LONRF1: variants seen among roughly 807,000 people sequenced by gnomAD.
LONRF1 encodes the protein LON peptidase N-terminal domain and RING finger protein 1.
A neutral mutation model predicts 85.8 loss-of-function variants in LONRF1; 37 were observed. That is an observed-to-expected ratio of 0.43 (90% CI 0.33 to 0.57). The LOEUF (loss-of-function observed/expected upper bound fraction) is 0.57. Ranked by LOEUF, LONRF1 falls within the 20% of genes least tolerant of loss-of-function variation. The pLI, the probability that LONRF1 is intolerant of heterozygous loss-of-function variation, is 0.04. For missense variants in LONRF1, 1,036 were observed against 978.0 expected (o/e 1.06, Z -0.79); for synonymous variants, 517 against 390.1 (o/e 1.33, Z -3.83).
At chr8:12,742,452 C>T (rs1264964049) in intron 2 of LONRF1, among the ~76,000 whole-genome samples, 2 of 152,160 alleles carry the variant, frequency 1.3e-5, no homozygotes, top group East Asian at 1.9e-4. Flanking sequence ...CTTCCTTTGT[C>T]CCTATCTTCT....
Position 12,754,738 on chromosome 8 carries a change from C to T in LONRF1, c.683G>A (p.Arg228Gln), listed in dbSNP as rs780900625. ...LGELLHQGRY[R>Q]EALAAACEAL... ...CTCGCAGGCGGCGGCCAGGGCCTCC[C>T]GGTAGCGCCCCTGGTGCAGTAGCTC... The change falls in exon 1 of 12, where the codon CGG becomes CAG. Residue 228 changes from arginine to glutamine, a missense_variant. By Grantham distance (43) the Arg-to-Gln change is conservative. Coordinates refer to ENST00000398246, the MANE Select transcript of LONRF1 (RefSeq NM_152271.5). The T allele has an allele frequency of 7.0e-6, 10 of 1,428,556 alleles. No individual in the cohort carries two copies. The South Asian group carries it at 1.3e-4, about 18-fold the overall frequency. 88.5% of individuals were successfully genotyped at this position (1,428,556 alleles called of 1,614,324 possible). A position where few individuals can be genotyped will look rare whatever the true frequency, so the allele number is the denominator to read the frequency against.
Position 12,736,752 on chromosome 8 carries a change from A to G in LONRF1, c.1400T>C (p.Ile467Thr), listed in dbSNP as rs1217885242. ...TGAGACATCGATTAATTCTTCTGGAATATCACCATAAGCTAAGGAAAACAT... is the reference window on the plus strand; with the variant it reads ...TGAGACATCGATTAATTCTTCTGGAGTATCACCATAAGCTAAGGAAAACAT... Reference protein sequence around the residue: ...VCMFSLAYGDIPEELIDVSDF... With the variant: ...VCMFSLAYGDTPEELIDVSDF... Residue 467 changes from isoleucine to threonine, a missense_variant, in exon 6 of 12, where the codon ATT becomes ACT. Ile to Thr is a moderately conservative substitution (Grantham distance 89). Coordinates refer to ENST00000398246, the MANE Select transcript of LONRF1 (RefSeq NM_152271.5). The G allele has an allele frequency of 1.2e-6, 2 of 1,612,276 alleles. No homozygotes were observed. Among genetic ancestry groups the G allele is most frequent in the Admixed American group, 3.3e-5 (2 of 59,816 alleles).
intron 1 of LONRF1, among the ~76,000 whole-genome samples, chr8:12,745,724 A>G (rs1799126994): frequency 1.3e-5 from 2 of 152,204 alleles, no homozygotes; most frequent in South Asian, 2.1e-4. Flanking sequence ...GAAATCGACA[A>G]AATTTCAAAA....
chr8:12,754,441 C>T (rs1799544820), intron 1 of LONRF1: 1 of 331,902 alleles, frequency 3.0e-6, no homozygotes, highest in East Asian at 5.1e-5. Context: ...CAGGCCGCGG[C>T]CGAGGGAACC....
chr8:12,728,337 G>A (rs1004140406), intron 10 of LONRF1, among the ~76,000 whole-genome samples: 9 of 152,116 alleles, frequency 5.9e-5, no homozygotes, highest in Non-Finnish European at 1.3e-4. Flanking sequence ...ATGTACACTG[G>A]CAGTGCTTTC....
intron 1 of LONRF1, among the ~76,000 whole-genome samples, chr8:12,747,599 G>A (rs888603326): frequency 3.3e-5 from 5 of 150,078 alleles, no homozygotes; most frequent in Non-Finnish European, 6.0e-5. Context: ...AATGAGCTAA[G>A]CAGAGGAGGT....
intron 1 of LONRF1, among the ~76,000 whole-genome samples, chr8:12,751,294 A>ATGTTGTTTTTTTTTT (rs1799377432): frequency 3.5e-5 from 3 of 84,820 alleles, no homozygotes; most frequent in South Asian, 5.1e-4. Context: ...TTTTATTTTT[A>ATGTTGTTTTTTTTTT]TGTTTTTTTT....
In LONRF1 at chr8:12,737,089, G is replaced by A. The variant is rs769510586; in HGVS notation, c.1165C>T (p.Arg389Cys). 8.1e-6 allele frequency: 13 copies of A among 1,613,236 alleles called. No homozygotes were observed. The highest frequency in any genetic ancestry group is 1.3e-5 in the African/African-American group (1 of 74,828). The stretch of plus-strand genomic sequence containing the variant: ...TTTATAGACTGTGCTGACTGAGCAC[G>A]GTTTAAGCTTCCTTTGACAGGCTCT... ...TSEPVKGSLN[R>C]AQSAQSINST... The change falls in exon 5 of 12, where the codon CGT becomes TGT. Residue 389 changes from arginine (R) to cysteine (C), a missense_variant. Transcript: ENST00000398246.
chr8:12,731,283 C>G (rs192970107), intron 8 of LONRF1, among the ~76,000 whole-genome samples: 24 of 152,226 alleles, frequency 1.6e-4, no homozygotes, highest in South Asian at 1.2e-3. Context: ...CCCTGAACAC[C>G]CCTCTTCCAA....
At chr8:12,731,456 C>G (rs747822578) in intron 8 of LONRF1, among the ~76,000 whole-genome samples, 1 of 152,154 alleles carries the variant, frequency 6.6e-6, no homozygotes, top group Non-Finnish European at 1.5e-5. Context: ...AGCGCCCCCT[C>G]TCTATTTCCC....
chr8:12,755,425 C>A lies in LONRF1; in HGVS notation c.-5G>T, dbSNP rs1255682139. On this transcript the variant is annotated 5_prime_UTR_variant, in exon 1 of 12. Transcript: ENST00000398246. ...CGCCACCGCCGGAGAGGACATGGCC[C>A]GCGGAGGGCTGCGCCGCCGCCGCCC... 3 of 1,140,344 alleles carry A rather than the reference C, an allele frequency of 2.6e-6. No individual in the cohort carries two copies. The highest frequency in any genetic ancestry group is 3.3e-5 in the African/African-American group (2 of 60,656). 70.6% of individuals were successfully genotyped at this position (1,140,344 alleles called of 1,614,324 possible).
intron 10 of LONRF1, 62 bp downstream of exon 10, chr8:12,728,839 C>A (rs1338773036): frequency 6.3e-7 from 1 of 1,587,774 alleles, no homozygotes; most frequent in Non-Finnish European, 8.6e-7. Context: ...AGCCTGCATG[C>A]CTGTACCAAT....
chr8:12,738,283 G>C (rs979265160), intron 3 of LONRF1, 139 bp from the exon 4 acceptor site: 1 of 571,066 alleles, frequency 1.8e-6, no homozygotes, highest in Non-Finnish European at 2.9e-6. Context: ...AACAAGGTAA[G>C]CAACACTGTA....
At position 12,731,893 on chromosome 8, in the gene LONRF1, T is replaced by C. The variant is rs372918045; in HGVS notation, c.1567-36A>G. On this transcript the variant is annotated intron_variant, in intron 7 of 11. Coordinates refer to ENST00000398246, the MANE Select transcript of LONRF1 (RefSeq NM_152271.5). ...ATATTATTTTACATTCCAGCAGTGG[T>C]TTTCCTACAGTATAAAACAGGCAAC... The C allele has an allele frequency of 5.6e-6, 9 of 1,597,388 alleles. No individual in the cohort carries two copies. The African/African-American group carries it at 1.1e-4, about 19-fold the overall frequency.
At chr8:12,749,207 T>C (rs533752527) in intron 1 of LONRF1, among the ~76,000 whole-genome samples, 6 of 152,264 alleles carry the variant, frequency 3.9e-5, no homozygotes, top group East Asian at 1.9e-4. Flanking sequence ...TGATACAAGA[T>C]ACAGAAGAGT....
intron 10 of LONRF1, among the ~76,000 whole-genome samples, chr8:12,726,724 C>G (rs748675184): frequency 2.0e-5 from 3 of 152,114 alleles, no homozygotes; most frequent in African/African-American, 7.2e-5. Flanking sequence ...GAAAAAATAC[C>G]AGGCCTGACT....
intron 2 of LONRF1, among the ~76,000 whole-genome samples, chr8:12,742,330 G>T (rs2094288166): frequency 6.6e-6 from 1 of 152,184 alleles, no homozygotes; most frequent in African/African-American, 2.4e-5. Flanking sequence ...ATATCTTAAA[G>T]AACACATTTG....
At chr8:12,742,790 G>A (rs573418446) in intron 2 of LONRF1, among the ~76,000 whole-genome samples, 1 of 152,134 alleles carries the variant, frequency 6.6e-6, no homozygotes, top group South Asian at 2.1e-4. Context: ...GAATGCAGTG[G>A]CACTTCAGTG....
Position 12,729,311 on chromosome 8 carries a change from T to C in LONRF1, c.1710A>G (p.Ile570Met). Residue 570 changes from isoleucine to methionine, a missense_variant, in exon 9 of 12, where the codon ATA becomes ATG. Ile to Met is a conservative substitution (Grantham distance 10, BLOSUM62 1). This residue lies in a region of LONRF1 where 265 missense variants were observed against 301.5 expected (regional missense o/e 0.88). Coordinates refer to ENST00000398246, the MANE Select transcript of LONRF1 (RefSeq NM_152271.5). ...ELSHLTKNVP[I>M]FVCTMAYPTV... The stretch of plus-strand genomic sequence containing the variant: ...TGGGGTAGGCCATAGTGCAAACAAA[T>C]ATTGGAACATTCTTGGTCAAGCTAA... The C allele has an allele frequency of 1.2e-6, 2 of 1,613,524 alleles. No individual in the cohort carries two copies. Among genetic ancestry groups the C allele is most frequent in the Non-Finnish European group, 1.7e-6 (2 of 1,179,770 alleles).
Sources: allele counts gnomAD v4.1 joint callset (sites outside exome capture counted in the v4.1 genomes callset), GRCh38; gene constraint gnomAD v4.1.1; regional missense constraint gnomAD v4.1.1; transcripts MANE v1.5; gene names NCBI Gene and HGNC (gene_info 2026-07-23, HGNC 2026-07-21).